The following PRICKLE1 variants were observed in gnomAD, a reference collection of about 807,000 sequenced individuals.
The protein encoded by PRICKLE1 is prickle planar cell polarity protein 1, also known as prickle-like protein 1.
In PRICKLE1, 14 loss-of-function variants were observed where a neutral mutation model predicts 70.2. The observed-to-expected ratio is 0.20, with a 90% CI of 0.13 to 0.31. The LOEUF is 0.31. Among genes scored for constraint, PRICKLE1 ranks in the 10% least tolerant of loss-of-function variants. PRICKLE1 has a pLI of 1.00. For synonymous variants in PRICKLE1, 357 were observed against 379.9 expected (o/e 0.94, Z 0.70); for missense variants, 821 against 1,026.2 (o/e 0.80, Z 2.73).
chr12:42,531,330 G>C (rs529758151), intron 1 of PRICKLE1, among the ~76,000 whole-genome samples: 3 of 152,172 alleles, frequency 2.0e-5, no homozygotes, highest in Admixed American at 1.3e-4. Flanking sequence ...ACAGGCGTGA[G>C]CCACCGCGCC....
At chr12:42,556,706 A>G (rs1940418177) in intron 1 of PRICKLE1, among the ~76,000 whole-genome samples, 1 of 152,256 alleles carries the variant, frequency 6.6e-6, no homozygotes, top group Non-Finnish European at 1.5e-5. Context: ...TAATTAGTCA[A>G]GAAGTTTACA....
chr12:42,575,839 T>A (rs908320351), intron 1 of PRICKLE1, among the ~76,000 whole-genome samples: 11 of 152,244 alleles, frequency 7.2e-5, no homozygotes, highest in Admixed American at 3.3e-4. Context: ...AACTCCTATT[T>A]AGTCATTAAG....
chr12:42,472,343 A>T, intron 2 of PRICKLE1, 42 bp downstream of exon 2: 1 of 1,611,996 alleles, frequency 6.2e-7, no homozygotes, highest in Non-Finnish European at 8.5e-7. Context: ...CTGAACTCAC[A>T]CTGAAAAACA....
rs1291152654 is a variant in PRICKLE1, at chr12:42,457,418, T to C, written c.*2391A>G. On this transcript the variant is annotated 3_prime_UTR_variant, in exon 8 of 8. Coordinates refer to ENST00000345127, the MANE Select transcript of PRICKLE1 (RefSeq NM_153026.3). Reference sequence around the variant, plus strand: ...TCTTTTCTAAAAGGATGCCCACTTGTGGCAGCACAGGTTCTGAAAATTTCT... The same window carrying C: ...TCTTTTCTAAAAGGATGCCCACTTGCGGCAGCACAGGTTCTGAAAATTTCT... 1 of 152,240 alleles carries C rather than the reference T, an allele frequency of 6.6e-6. No homozygotes were observed. Among genetic ancestry groups the C allele is most frequent in the African/African-American group, 2.4e-5 (1 of 41,452 alleles). The allele number at this position is 152,240 out of a possible 1,614,324, so 9.4% of individuals were successfully genotyped here.
intron 1 of PRICKLE1, among the ~76,000 whole-genome samples, chr12:42,554,137 C>A (rs1940373594): frequency 6.6e-6 from 1 of 151,946 alleles, no homozygotes; most frequent in Admixed American, 6.6e-5. Context: ...CCAACAACAA[C>A]AAAAAAACAA....
At chr12:42,477,506 A>G (rs61924381) in intron 1 of PRICKLE1, among the ~76,000 whole-genome samples, 1,157 of 25,614 alleles carry the variant, frequency 0.045, 25 homozygotes, top group Non-Finnish European at 0.054. Flanking sequence ...ATATATATAT[A>G]TATATATATA....
At chr12:42,578,906 C>T (rs974110718) in intron 1 of PRICKLE1, among the ~76,000 whole-genome samples, 2 of 152,150 alleles carry the variant, frequency 1.3e-5, no homozygotes, top group African/African-American at 2.4e-5. Flanking sequence ...GGATTACAGG[C>T]GTGCACAACC....
chr12:42,584,852 C>A (rs536110326), intron 1 of PRICKLE1, among the ~76,000 whole-genome samples: 2 of 152,200 alleles, frequency 1.3e-5, no homozygotes, highest in South Asian at 4.2e-4. Flanking sequence ...CATCTCACAG[C>A]AATATTTTCA....
chr12:42,511,708 A>G (rs1939517264), intron 1 of PRICKLE1, among the ~76,000 whole-genome samples: 1 of 152,204 alleles, frequency 6.6e-6, no homozygotes. Context: ...AGACATGTAT[A>G]AAGAGTATTA....
chr12:42,565,300 G>A (rs1242886559), intron 1 of PRICKLE1, among the ~76,000 whole-genome samples: 2 of 152,222 alleles, frequency 1.3e-5, no homozygotes, highest in Non-Finnish European at 2.9e-5. Flanking sequence ...ATGGATGGGT[G>A]ACAGCAGTGG....
intron 1 of PRICKLE1, among the ~76,000 whole-genome samples, chr12:42,550,838 C>T (rs577910547): frequency 6.6e-6 from 1 of 152,316 alleles, no homozygotes; most frequent in Non-Finnish European, 1.5e-5. Flanking sequence ...AAGAGAGTTT[C>T]TCCTTTTTGG....
chr12:42,572,981 A>G (rs1940743552), intron 1 of PRICKLE1, among the ~76,000 whole-genome samples: 1 of 152,050 alleles, frequency 6.6e-6, no homozygotes, highest in African/African-American at 2.4e-5. Flanking sequence ...ATTTCCTTAG[A>G]TCCAGGCTAC....
rs1941050264 is a variant in PRICKLE1 at position 42,589,733 on chromosome 12, T to G, written c.-317A>C. 6.7e-6 allele frequency: 1 copy of G among 148,892 alleles called. No individual in the cohort carries two copies. The highest frequency in any genetic ancestry group is 2.1e-4 in the South Asian group (1 of 4,834). 9.2% of individuals were successfully genotyped at this position (148,892 alleles called of 1,614,324 possible). A position where few individuals can be genotyped will look rare whatever the true frequency, so the allele number is the denominator to read the frequency against. On this transcript the variant is annotated 5_prime_UTR_variant, in exon 1 of 8. Transcript: ENST00000345127. The surrounding 1 kb of genome is among the most constrained non-coding windows in gnomAD (Gnocchi z 5.0). Reference sequence around the variant, plus strand: ...CGGGAGACGGCGCTGGCAGCTGGGCTGCAGGCGGAGTGCGCTCGGGCTCCG... The same window carrying G: ...CGGGAGACGGCGCTGGCAGCTGGGCGGCAGGCGGAGTGCGCTCGGGCTCCG...
chr12:42,470,401 G>T, intron 2 of PRICKLE1, 42 bp from the exon 3 acceptor site: 1 of 1,256,568 alleles, frequency 8.0e-7, no homozygotes, highest in South Asian at 1.2e-5. Context: ...ATACAGAACT[G>T]AGCATCTCAG....
At chr12:42,500,739 A>G (rs901187613) in intron 1 of PRICKLE1, among the ~76,000 whole-genome samples, 1 of 151,698 alleles carries the variant, frequency 6.6e-6, no homozygotes, top group Non-Finnish European at 1.5e-5. Flanking sequence ...TCTTTCTAGC[A>G]GCATATCTGG....
At chr12:42,484,346 A>T (rs910200651) in intron 1 of PRICKLE1, 3 of 152,128 alleles carry the variant, frequency 2.0e-5, no homozygotes, top group Non-Finnish European at 2.9e-5. Flanking sequence ...TAGGACGCTT[A>T]TGTAAACTTC....
chr12:42,534,811 T>C (rs1257002662), intron 1 of PRICKLE1, among the ~76,000 whole-genome samples: 1 of 152,192 alleles, frequency 6.6e-6, no homozygotes. Context: ...ACAGATTTAT[T>C]TTCCTAGAAA....
rs377228096 is a variant in PRICKLE1, at chr12:42,460,189, G to A, written c.2116C>T (p.Pro706Ser). The change falls in exon 8 of 8, where the codon CCC becomes TCC. Residue 706 changes from proline (P) to serine (S), a missense_variant. By Grantham distance (74) the Pro-to-Ser change is moderately conservative (BLOSUM62 -1). Coordinates refer to ENST00000345127, the MANE Select transcript of PRICKLE1 (RefSeq NM_153026.3). ...SPKDRLRLYT[P>S]DNYEKFIQNK... ...TGTATAAATTTCTCATAGTTATCGG[G>A]GGTGTACAGCCGCAGTCTGTCCTTG... 1.3e-5 allele frequency: 21 copies of A among 1,613,990 alleles called. No homozygotes were observed. The highest frequency in any genetic ancestry group is 9.9e-5 in the South Asian group (9 of 91,084).
chr12:42,476,003 G>A (rs978731894), intron 1 of PRICKLE1, among the ~76,000 whole-genome samples: 9 of 150,550 alleles, frequency 6.0e-5, no homozygotes, highest in Admixed American at 5.3e-4. Context: ...AGGAGGCTGA[G>A]GGAGGAGAAT....
Sources: allele counts gnomAD v4.1 joint callset (sites outside exome capture counted in the v4.1 genomes callset), GRCh38; gene constraint gnomAD v4.1.1; non-coding constraint Gnocchi (gnomAD v3.1); transcripts MANE v1.5; gene names NCBI Gene and HGNC (gene_info 2026-07-23, HGNC 2026-07-21).